GAS2: variants seen among roughly 807,000 people sequenced by gnomAD.
The protein encoded by GAS2 is growth arrest specific 2, also known as growth arrest-specific protein 2.
A neutral mutation model predicts 37.5 loss-of-function variants in GAS2; 20 were observed. That is an observed-to-expected ratio of 0.53 (90% CI 0.37 to 0.77). The LOEUF (loss-of-function observed/expected upper bound fraction) is 0.77, where lower values mean the gene tolerates loss of function less well. Ranked by LOEUF, GAS2 falls within the 30% of genes least tolerant of loss-of-function variation. The pLI is 0.00. For synonymous variants in GAS2, 144 were observed against 132.2 expected (o/e 1.09, Z -0.61); for missense variants, 336 against 373.4 (o/e 0.90, Z 0.82).
intron 3 of GAS2, among the ~76,000 whole-genome samples, chr11:22,716,560 A>C (rs549282575): frequency 6.6e-6 from 1 of 151,940 alleles, no homozygotes; most frequent in South Asian, 2.1e-4. Flanking sequence ...GACTAGCTTG[A>C]ACCTGGGAGG....
intron 3 of GAS2, 107 bp from the exon 4 acceptor site, chr11:22,726,185 T>C: frequency 1.8e-6 from 2 of 1,104,616 alleles, no homozygotes; most frequent in Non-Finnish European, 1.3e-6. Flanking sequence ...CAAACCTACT[T>C]ATTGGCATGA....
chr11:22,649,472 G>C (rs1008432556), intron 1 of GAS2, among the ~76,000 whole-genome samples: 1 of 152,060 alleles, frequency 6.6e-6, no homozygotes, highest in Admixed American at 6.5e-5. Context: ...CTATTGATTG[G>C]AATAGTTTCA....
chr11:22,630,939 G>C (rs1398455574), intron 1 of GAS2, among the ~76,000 whole-genome samples: 1 of 152,116 alleles, frequency 6.6e-6, no homozygotes, highest in Non-Finnish European at 1.5e-5. Flanking sequence ...TGGGCAGTAT[G>C]GTCATTATCA....
chr11:22,784,303 C>T (rs1855720610), intron 7 of GAS2, among the ~76,000 whole-genome samples: 1 of 152,066 alleles, frequency 6.6e-6, no homozygotes, highest in Non-Finnish European at 1.5e-5. Flanking sequence ...GTAATGATAT[C>T]ATTTAAGGGT....
intron 5 of GAS2, among the ~76,000 whole-genome samples, chr11:22,744,584 A>C (rs1328724371): frequency 6.6e-6 from 1 of 152,128 alleles, no homozygotes; most frequent in Non-Finnish European, 1.5e-5. Flanking sequence ...AAAACTTTGG[A>C]TAAAATGCAA....
chr11:22,706,470 G>A (rs1851126213), intron 3 of GAS2, among the ~76,000 whole-genome samples: 1 of 152,042 alleles, frequency 6.6e-6, no homozygotes, highest in South Asian at 2.1e-4. Context: ...ATCTCCCAAT[G>A]CTATCCCTCC....
At chr11:22,668,298 C>G (rs1276341127) in intron 1 of GAS2, 1 of 152,510 alleles carries the variant, frequency 6.6e-6, no homozygotes, top group Non-Finnish European at 1.5e-5. Context: ...GTGGTTCTCT[C>G]CAACATGGGT....
intron 2 of GAS2, among the ~76,000 whole-genome samples, chr11:22,683,612 T>G (rs907169386): frequency 6.6e-6 from 1 of 152,178 alleles, no homozygotes; most frequent in Admixed American, 6.5e-5. Flanking sequence ...TGCCTGTTTC[T>G]TAAGATAAAA....
chr11:22,697,374 G>A (rs1850583554), intron 3 of GAS2, among the ~76,000 whole-genome samples: 2 of 152,156 alleles, frequency 1.3e-5, no homozygotes, highest in Admixed American at 6.6e-5. Context: ...AAGTCAGGTA[G>A]CATGATTCCT....
chr11:22,659,125 G>T (rs1848888412), intron 1 of GAS2, among the ~76,000 whole-genome samples: 1 of 152,182 alleles, frequency 6.6e-6, no homozygotes, highest in Non-Finnish European at 1.5e-5. Context: ...TTAGAAACCT[G>T]TTCAAGTTTT....
At chr11:22,779,377 T>G (rs965849894) in intron 7 of GAS2, among the ~76,000 whole-genome samples, 19 of 152,284 alleles carry the variant, frequency 1.2e-4, no homozygotes, top group African/African-American at 4.3e-4. Context: ...ACACAGTGTG[T>G]TGTTTCTTGT....
chr11:22,719,745 C>T (rs958240244), intron 3 of GAS2, among the ~76,000 whole-genome samples: 3 of 152,046 alleles, frequency 2.0e-5, no homozygotes, highest in Non-Finnish European at 1.5e-5. Flanking sequence ...GCTTCTTTCA[C>T]TTAGTAATAT....
intron 1 of GAS2, among the ~76,000 whole-genome samples, chr11:22,658,987 A>T (rs550585741): frequency 1.1e-4 from 16 of 152,292 alleles, no homozygotes; most frequent in Non-Finnish European, 2.2e-4. Context: ...CATAAGTATG[A>T]TTTTGTTATT....
chr11:22,634,090 C>T (rs1462452209), intron 1 of GAS2, among the ~76,000 whole-genome samples: 2 of 152,176 alleles, frequency 1.3e-5, no homozygotes, highest in African/African-American at 4.8e-5. Flanking sequence ...AGTTGATTCA[C>T]AGTTCCACGT....
At chr11:22,702,504 T>C (rs1481838726) in intron 3 of GAS2, 1 of 152,172 alleles carries the variant, frequency 6.6e-6, no homozygotes, top group Non-Finnish European at 1.5e-5. Context: ...ATGGAAAACC[T>C]TTGTAAAAAG....
chr11:22,660,943 T>C (rs1451714210), intron 1 of GAS2, among the ~76,000 whole-genome samples: 3 of 152,246 alleles, frequency 2.0e-5, no homozygotes, highest in Non-Finnish European at 2.9e-5. Context: ...TTAAGTGTCA[T>C]ATCTTTAAGT....
intron 3 of GAS2, among the ~76,000 whole-genome samples, chr11:22,712,343 C>G (rs1295133381): frequency 3.3e-5 from 5 of 152,204 alleles, no homozygotes; most frequent in Non-Finnish European, 7.3e-5. Context: ...GCATCCACAG[C>G]TGGGAGACCT....
At chr11:22,634,084 G>A (rs1858785204) in intron 1 of GAS2, among the ~76,000 whole-genome samples, 1 of 152,162 alleles carries the variant, frequency 6.6e-6, no homozygotes, top group African/African-American at 2.4e-5. Flanking sequence ...AGGTTTAGTT[G>A]ATTCACAGTT....
At chr11:22,635,208 A>T (rs570894989) in intron 1 of GAS2, among the ~76,000 whole-genome samples, 5 of 152,300 alleles carry the variant, frequency 3.3e-5, no homozygotes, top group Admixed American at 6.5e-5. Flanking sequence ...ACTAGGGTAG[A>T]TGGAGGTGCA....
Sources: gnomAD v4.1 joint callset for allele counts (sites outside exome capture counted in the v4.1 genomes callset) on GRCh38, gnomAD v4.1.1 for gene constraint, MANE v1.5 for transcripts, NCBI Gene and HGNC (gene_info 2026-07-23, HGNC 2026-07-21) for gene names.